The following PAPPA2 variants were observed in gnomAD, a reference collection of about 807,000 sequenced individuals.
The protein encoded by PAPPA2 is pappalysin 2.
Under a neutral mutation model 176.4 loss-of-function variants are expected in PAPPA2, and 86 were observed. The ratio of observed to expected loss-of-function variants is 0.49; its 90% CI spans 0.41 to 0.58. The LOEUF (loss-of-function observed/expected upper bound fraction) is 0.58, where lower values mean the gene tolerates loss of function less well. PAPPA2 is among the 20% of genes least tolerant of loss of function. PAPPA2 has a pLI of 0.00. For synonymous variants in PAPPA2, 809 were observed against 852.2 expected, an observed-to-expected ratio of 0.95 and a Z score of 0.88; for missense variants, 2,073 against 2,256.9, an observed-to-expected ratio of 0.92 and a Z score of 1.65.
chr1:176,545,593 T>C (rs1283526184), intron 1 of PAPPA2, among the ~76,000 whole-genome samples: 1 of 152,104 alleles, frequency 6.6e-6, no homozygotes, highest in Non-Finnish European at 1.5e-5. Context: ...ATTTAAAGCA[T>C]CTGGGAGGAT....
chr1:176,554,811 T>C (rs1651170119), intron 1 of PAPPA2, among the ~76,000 whole-genome samples: 1 of 152,202 alleles, frequency 6.6e-6, no homozygotes, highest in South Asian at 2.1e-4. Context: ...CCATGTCCGA[T>C]TTAAAGTGAA....
chr1:176,634,885 CATAG>C (rs10556122), intron 3 of PAPPA2, among the ~76,000 whole-genome samples: 26,066 of 149,028 alleles, frequency 0.17, 2,454 homozygotes, highest in Middle Eastern at 0.25. Flanking sequence ...TACATAGACA[CATAG>C]ATAGATAGAC....
chr1:176,559,800 A>C (rs949433620), intron 2 of PAPPA2, among the ~76,000 whole-genome samples: 1 of 152,134 alleles, frequency 6.6e-6, no homozygotes, highest in Non-Finnish European at 1.5e-5. Context: ...TGGCCCCTAC[A>C]CTTTTTTCAA....
At chr1:176,682,496 T>G (rs1383453471) in intron 4 of PAPPA2, among the ~76,000 whole-genome samples, 2 of 152,200 alleles carry the variant, frequency 1.3e-5, no homozygotes, top group Admixed American at 6.5e-5. Context: ...TTTTAAAAAT[T>G]TTAATTATGG....
chr1:176,669,146 G>T (rs1458166356), intron 3 of PAPPA2, among the ~76,000 whole-genome samples: 1 of 152,010 alleles, frequency 6.6e-6, no homozygotes, highest in Non-Finnish European at 1.5e-5. Context: ...AGAAGAGAGA[G>T]AAAGCTGTCA....
intron 1 of PAPPA2, among the ~76,000 whole-genome samples, chr1:176,507,620 CGT>C (rs1648352748): frequency 6.6e-6 from 1 of 152,118 alleles, no homozygotes; most frequent in Non-Finnish European, 1.5e-5. Flanking sequence ...AGAATGAAAT[CGT>C]GTCTTTTGCA....
chr1:176,708,406 C>T (rs984646964), intron 10 of PAPPA2, among the ~76,000 whole-genome samples: 11 of 151,550 alleles, frequency 7.3e-5, no homozygotes, highest in East Asian at 1.9e-4. Context: ...TAAAGTATTC[C>T]GATGAATTTG....
intron 17 of PAPPA2, among the ~76,000 whole-genome samples, chr1:176,775,469 A>G (rs1164393585): frequency 6.6e-6 from 1 of 152,204 alleles, no homozygotes; most frequent in Admixed American, 6.5e-5. Context: ...AAGAAAGCTC[A>G]TTCTTCAAAG....
chr1:176,800,009 C>T (rs1665607212), intron 20 of PAPPA2, 52 bp from the exon 21 acceptor site: 1 of 1,595,414 alleles, frequency 6.3e-7, no homozygotes, highest in Admixed American at 1.7e-5. Flanking sequence ...CCTTCTCACA[C>T]ACAACAAATG....
chr1:176,611,852 A>T (rs1470796781), intron 3 of PAPPA2, among the ~76,000 whole-genome samples: 1 of 152,118 alleles, frequency 6.6e-6, no homozygotes, highest in Admixed American at 6.6e-5. Flanking sequence ...TCTTTCATTT[A>T]TCCTACTCAT....
intron 3 of PAPPA2, among the ~76,000 whole-genome samples, chr1:176,633,751 A>C (rs1374675458): frequency 7.1e-6 from 1 of 141,842 alleles, no homozygotes; most frequent in Non-Finnish European, 1.5e-5. Context: ...TACAAGAAAA[A>C]AACAAACAAC....
At chr1:176,655,524 G>A (rs921503554) in intron 3 of PAPPA2, among the ~76,000 whole-genome samples, 2 of 151,804 alleles carry the variant, frequency 1.3e-5, no homozygotes, top group African/African-American at 4.8e-5. Context: ...ATTAAAAAAT[G>A]CTCAATATTT....
At chr1:176,657,433 G>A (rs1004798534) in intron 3 of PAPPA2, among the ~76,000 whole-genome samples, 2 of 152,092 alleles carry the variant, frequency 1.3e-5, no homozygotes, top group South Asian at 2.1e-4. Context: ...AAGCAGAGAA[G>A]GAACATGATT....
rs1294501061 is a variant in PAPPA2, at chr1:176,669,590, G to A, written c.1992-1380G>A. ...TCTCATGGAGTTTGGGTGATTTCTT[G>A]TGGCTGAGAGCTAGTTTTCCAAGAT... On this transcript the variant is annotated intron_variant, in intron 3 of 22. Coordinates refer to ENST00000367662, the MANE Select transcript of PAPPA2 (RefSeq NM_020318.3). 2.6e-5 allele frequency among the ~76,000 whole-genome samples: 4 copies of A among 152,256 alleles called. No homozygotes were observed. In the East Asian group the frequency reaches 7.7e-4, roughly 29 times the overall value.
intron 3 of PAPPA2, among the ~76,000 whole-genome samples, chr1:176,596,196 AG>A (rs1385965221): frequency 6.6e-6 from 1 of 152,336 alleles, no homozygotes; most frequent in African/African-American, 2.4e-5. Context: ...CTTTTTAAAA[AG>A]GTAAGTTGGA....
chr1:176,707,137 A>G (rs1660913630), intron 10 of PAPPA2, among the ~76,000 whole-genome samples: 1 of 152,222 alleles, frequency 6.6e-6, no homozygotes, highest in Non-Finnish European at 1.5e-5. Context: ...TGTCATCTGC[A>G]TAGATTGCAA....
chr1:176,623,743 T>C (rs1655815216), intron 3 of PAPPA2, among the ~76,000 whole-genome samples: 2 of 99,640 alleles, frequency 2.0e-5, no homozygotes, highest in Admixed American at 9.9e-5. Context: ...TTTCTTTCTC[T>C]CTCTTTCCTT....
chr1:176,672,530 G>C (rs1380078185), intron 4 of PAPPA2, among the ~76,000 whole-genome samples: 1 of 151,982 alleles, frequency 6.6e-6, no homozygotes, highest in African/African-American at 2.4e-5. Context: ...AACCAGTGTT[G>C]TAGATTGGGG....
At position 176,468,400 on chromosome 1, in the gene PAPPA2, G is replaced by A. The variant is rs542915523; in HGVS notation, c.-917+4982G>A. On this transcript the variant is annotated intron_variant, in intron 1 of 22. Transcript: ENST00000367662. ...TAGGGAGGGGGTATCAGTTTGGAAG[G>A]CAGCCACATCAATCAACTGAGCAAA... Among the ~76,000 whole-genome samples, 3 of 152,318 alleles carry A rather than the reference G, an allele frequency of 2.0e-5. No homozygotes were observed. The East Asian group carries it at 5.8e-4, about 29-fold the overall frequency.
Sources: gnomAD v4.1 joint callset for allele counts (sites outside exome capture counted in the v4.1 genomes callset) on GRCh38, gnomAD v4.1.1 for gene constraint, MANE v1.5 for transcripts, NCBI Gene and HGNC (gene_info 2026-07-23, HGNC 2026-07-21) for gene names.